The following DMXL1 variants were observed in gnomAD, a reference collection of about 807,000 sequenced individuals.
The protein encoded by DMXL1 is Dmx like 1, also known as dmX-like protein 1.
DMXL1 carries 99 observed loss-of-function variants against 319.2 expected under a neutral mutation model. The ratio of observed to expected loss-of-function variants is 0.31; its 90% CI spans 0.26 to 0.37. DMXL1 has a LOEUF of 0.37. Ranked by LOEUF, DMXL1 falls within the 10% of genes least tolerant of loss-of-function variation. The pLI, the probability that DMXL1 is intolerant of heterozygous loss-of-function variation, is 1.00. For synonymous variants in DMXL1, 1,385 were observed against 1,235.2 expected, an observed-to-expected ratio of 1.12 and a Z score of -2.54; for missense variants, 3,745 against 3,595.6, an observed-to-expected ratio of 1.04 and a Z score of -1.06.
chr5:119,124,797 C>T (rs987699392), intron 9 of DMXL1, among the ~76,000 whole-genome samples: 5 of 152,134 alleles, frequency 3.3e-5, no homozygotes, highest in Admixed American at 1.3e-4. Context: ...AGCTCCTGAC[C>T]TCCTCGTGAT....
intron 9 of DMXL1, among the ~76,000 whole-genome samples, chr5:119,121,483 C>T (rs969565297): frequency 3.3e-5 from 5 of 152,050 alleles, no homozygotes; most frequent in Admixed American, 6.5e-5. Context: ...GGTGATGACT[C>T]TTAACGAGCA....
chr5:119,095,511 C>G (rs1454437180), intron 1 of DMXL1, among the ~76,000 whole-genome samples: 1 of 152,144 alleles, frequency 6.6e-6, no homozygotes. Context: ...AACGTAATAT[C>G]TGAAATTAGG....
Position 119,133,224 on chromosome 5 carries a change from T to C in DMXL1, c.1408T>C (p.Leu470=). The change falls in exon 11 of 44, where the codon TTA becomes CTA. Residue 470 remains leucine (L), a synonymous_variant. Transcript: ENST00000539542. The part of the protein sequence containing the change: ...KMVPNSSFTS[L]SSAAIDHQIE... ...GGTACCAAACTCAAGTTTTACATCA[T>C]TATCGTCAGCTGCCATTGATCATCA... is the stretch of plus-strand genomic sequence containing the variant. 4 of 1,614,208 alleles carry C rather than the reference T, an allele frequency of 2.5e-6. No individual in the cohort carries two copies. The highest frequency in any genetic ancestry group is 3.4e-6 in the Non-Finnish European group (4 of 1,180,026).
chr5:119,119,101 A>G (rs1315801257), intron 8 of DMXL1, 97 bp downstream of exon 8: 3 of 775,982 alleles, frequency 3.9e-6, no homozygotes, highest in Non-Finnish European at 3.8e-6. Context: ...ACTATATCCT[A>G]GGAAAATAAT....
chr5:119,125,511 C>G (rs1198278445), intron 9 of DMXL1, among the ~76,000 whole-genome samples: 12 of 152,038 alleles, frequency 7.9e-5, no homozygotes, highest in Non-Finnish European at 1.8e-4. Flanking sequence ...GAGATTCTAG[C>G]TAAGGAGGGC....
chr5:119,122,215 G>A (rs1189499529), intron 9 of DMXL1, among the ~76,000 whole-genome samples: 3 of 138,814 alleles, frequency 2.2e-5, no homozygotes, highest in Non-Finnish European at 4.8e-5. Context: ...GGGCGGCCGG[G>A]CAGAGGCGCC....
At chr5:119,173,798 A>ATATATATATATATATATATATAT (rs1307519155) in intron 25 of DMXL1, among the ~76,000 whole-genome samples, 36 of 126,636 alleles carry the variant, frequency 2.8e-4, no homozygotes, top group Non-Finnish European at 3.7e-4. Flanking sequence ...ATATATATAT[A>ATATATATATATATATATATATAT]ATGAGAGAGA....
chr5:119,167,324 T>C (rs929908191), intron 22 of DMXL1, among the ~76,000 whole-genome samples: 1 of 152,132 alleles, frequency 6.6e-6, no homozygotes, highest in African/African-American at 2.4e-5. Context: ...ATAGCTTAAA[T>C]TGACGTCATT....
chr5:119,165,154 A>T (rs1379971854), intron 20 of DMXL1, 29 bp from the exon 21 acceptor site: 2 of 1,360,996 alleles, frequency 1.5e-6, no homozygotes, highest in Non-Finnish European at 2.1e-6. Flanking sequence ...TGTTTCTGTG[A>T]AATTTTGATC....
intron 34 of DMXL1, 138 bp downstream of exon 34, chr5:119,207,034 T>G: frequency 1.8e-6 from 1 of 560,910 alleles, no homozygotes; most frequent in South Asian, 2.5e-5. Context: ...TCCTTTTATT[T>G]TAACAACTTA....
At chr5:119,151,870 G>T in intron 18 of DMXL1, 59 bp from the exon 19 acceptor site, 1 of 1,048,014 alleles carries the variant, frequency 9.5e-7, no homozygotes, top group Non-Finnish European at 1.5e-6. Context: ...CCTATATTGG[G>T]TGTTCTTTTG....
intron 9 of DMXL1, among the ~76,000 whole-genome samples, chr5:119,126,240 G>A (rs908677077): frequency 2.0e-5 from 3 of 152,094 alleles, no homozygotes; most frequent in African/African-American, 4.8e-5. Flanking sequence ...CTGAGATTGC[G>A]CCATTGCCCT....
chr5:119,158,673 G>A (rs1409581219), intron 19 of DMXL1, among the ~76,000 whole-genome samples: 1 of 152,122 alleles, frequency 6.6e-6, no homozygotes, highest in Non-Finnish European at 1.5e-5. Flanking sequence ...CACCTAATTT[G>A]GGAGAGTTTT....
At position 119,133,659 on chromosome 5, in the gene DMXL1, T is replaced by G; in HGVS notation, c.1735T>G (p.Ser579Ala). 6.2e-7 allele frequency: 1 copy of G among 1,614,224 alleles called. No individual in the cohort carries two copies. The highest frequency in any genetic ancestry group is 8.5e-7 in the Non-Finnish European group (1 of 1,180,024). Residue 579 changes from serine to alanine, a missense_variant, in exon 12 of 44, where the codon TCT (serine) becomes GCT (alanine). Physicochemically the swap from Ser to Ala is moderately conservative, Grantham distance 99 (BLOSUM62 1). This residue lies in a region of DMXL1 where 2,096 missense variants were observed against 1,985.4 expected (regional missense o/e 1.06). Transcript: ENST00000539542. ...LTRSTSMLIS[S>A]GHNKSSNSLK... ...CCGTTCCACATCAATGCTTATTTCT[T>G]CTGGTCACAATAAATCATCTAATAG...
intron 36 of DMXL1, 47 bp from the exon 37 acceptor site, chr5:119,220,891 AAG>A: frequency 6.3e-7 from 1 of 1,584,146 alleles, no homozygotes; most frequent in Non-Finnish European, 8.6e-7. Flanking sequence ...AAGTGTAAAA[AAG>A]AAAGAAATGA....
In DMXL1 at chr5:119,121,261, T is replaced by A. The variant is rs1236770482; in HGVS notation, c.1102+122T>A. ...GGAGGTGACTGTCTTAGCCTATTTT[T>A]CTTTTTTTTTTCTTTTTTTTTAATT... On this transcript the variant is annotated intron_variant, in intron 9 of 43. Coordinates refer to ENST00000539542, the MANE Select transcript of DMXL1 (RefSeq NM_001290321.3). 9 of 750,038 alleles carry A rather than the reference T, an allele frequency of 1.2e-5. No homozygotes were observed. In the South Asian group the frequency reaches 3.0e-4, roughly 25 times the overall value. 46.5% of individuals were successfully genotyped at this position (750,038 alleles called of 1,614,324 possible).
chr5:119,189,469 A>G (rs1396846369), intron 28 of DMXL1, among the ~76,000 whole-genome samples: 3 of 152,154 alleles, frequency 2.0e-5, no homozygotes, highest in Non-Finnish European at 4.4e-5. Flanking sequence ...TTTCACATAC[A>G]ATAGGTAAGT....
At chr5:119,215,898 C>T (rs1783598290) in intron 34 of DMXL1, among the ~76,000 whole-genome samples, 1 of 151,858 alleles carries the variant, frequency 6.6e-6, no homozygotes, top group South Asian at 2.1e-4. Context: ...GAGTTCCAGA[C>T]CAGCCTGGCC....
In DMXL1 at chr5:119,101,949, T is replaced by G. The variant is rs1280017601; in HGVS notation, c.228T>G (p.Tyr76Ter). The G allele has an allele frequency of 6.2e-7, 1 of 1,603,954 alleles. No individual in the cohort carries two copies. Among genetic ancestry groups the G allele is most frequent in the Non-Finnish European group, 8.5e-7 (1 of 1,175,304 alleles). The change falls in exon 3 of 44, where the codon TAT becomes TAG. Residue 76 changes from tyrosine (Y) to a stop codon, truncating the protein, a stop_gained. Transcript: ENST00000539542. LOFTEE classifies it high-confidence loss of function. ...SMQQGKIAAS[Y>*]GNVISIFEPV... ...CTTTTTAAAAGATTGCAGCGTCTTA[T>G]GGAAATGTTATCTCCATTTTTGAAC... is the stretch of plus-strand genomic sequence containing the variant.
Sources: gnomAD v4.1 joint callset for allele counts (sites outside exome capture counted in the v4.1 genomes callset) on GRCh38, gnomAD v4.1.1 for gene constraint, gnomAD v4.1.1 regional missense constraint, MANE v1.5 for transcripts, NCBI Gene and HGNC (gene_info 2026-07-23, HGNC 2026-07-21) for gene names.